PPP1R13L: variants seen among roughly 807,000 people sequenced by gnomAD.
PPP1R13L encodes protein phosphatase 1 regulatory subunit 13 like.
PPP1R13L carries 50 observed loss-of-function variants against 80.9 expected under a neutral mutation model. The ratio of observed to expected loss-of-function variants is 0.62; its 90% CI spans 0.49 to 0.78. PPP1R13L has a LOEUF of 0.78. Among genes scored for constraint, PPP1R13L ranks in the 30% least tolerant of loss-of-function variants. The pLI is 0.00. For missense variants in PPP1R13L, 1,200 were observed against 1,205.9 expected, an observed-to-expected ratio of 1.00 and a Z score of 0.07; for synonymous variants, 602 against 534.3, an observed-to-expected ratio of 1.13 and a Z score of -1.75.
At position 45,396,471 on chromosome 19, in the gene PPP1R13L, G is replaced by C. The variant is rs781349081; in HGVS notation, c.713-35C>G. ...AGTTTCCAGGGAGGATGAGACGGGA[G>C]GGGTGGCGAGCCCCGGATCCTGCCC... On this transcript the variant is annotated intron_variant, in intron 4 of 12. Transcript: ENST00000360957. The surrounding 1 kb of genome is among the most constrained non-coding windows in gnomAD (Gnocchi z 5.3). 1.9e-6 allele frequency: 3 copies of C among 1,612,830 alleles called. No individual in the cohort carries two copies. The East Asian group carries it at 6.7e-5, about 36-fold the overall frequency.
rs1972989181 is a variant in PPP1R13L at position 45,392,176 on chromosome 19, G to A, written c.1519C>T (p.Leu507=). Reference sequence around the variant, plus strand: ...GCCAACACCCGTGCCACCTCCTCCAGCTCGGGCACCGACTGTGCCTCCGGT... The same window carrying A: ...GCCAACACCCGTGCCACCTCCTCCAACTCGGGCACCGACTGTGCCTCCGGT... ...LPPEAQSVPE[L]EEVARVLAEI... is the part of the protein sequence containing the mutation. The change falls in exon 8 of 13, where the codon CTG becomes TTG. Residue 507 remains leucine, a synonymous_variant. Coordinates refer to ENST00000360957, the MANE Select transcript of PPP1R13L (RefSeq NM_006663.4). 1 of 1,608,254 alleles carries A rather than the reference G, an allele frequency of 6.2e-7. No homozygotes were observed. Among genetic ancestry groups the A allele is most frequent in the Non-Finnish European group, 8.5e-7 (1 of 1,176,444 alleles).
chr19:45,401,694 G>T (rs1306056478), intron 1 of PPP1R13L, among the ~76,000 whole-genome samples: 1 of 152,162 alleles, frequency 6.6e-6, no homozygotes, highest in African/African-American at 2.4e-5. Context: ...CCAGAATTCT[G>T]AGTCTTTCTG....
chr19:45,387,047 T>A (rs976261933), intron 8 of PPP1R13L, among the ~76,000 whole-genome samples: 2 of 151,748 alleles, frequency 1.3e-5, no homozygotes, highest in African/African-American at 4.8e-5. Context: ...GGTGGGAGGA[T>A]CACTTGAGCC....
In PPP1R13L at chr19:45,405,028, C is replaced by A. The variant is rs1030845365; in HGVS notation, c.-51G>T. On this transcript the variant is annotated 5_prime_UTR_variant, in exon 1 of 13. Coordinates refer to ENST00000360957, the MANE Select transcript of PPP1R13L (RefSeq NM_006663.4). ...CCGGGCAGATCCTGGCACCTGGGGG[C>A]TTCCTCCAGCTCGGGCTCCGGCTTG... 6.1e-6 allele frequency: 6 copies of A among 986,016 alleles called. No homozygotes were observed. The highest frequency in any genetic ancestry group is 7.2e-6 in the Non-Finnish European group (6 of 830,108). 61.1% of individuals were successfully genotyped at this position (986,016 alleles called of 1,614,324 possible). A position where few individuals can be genotyped will look rare whatever the true frequency, so the allele number is the denominator to read the frequency against.
At chr19:45,404,732 C>A (rs1032413526) in intron 1 of PPP1R13L, among the ~76,000 whole-genome samples, 1 of 152,170 alleles carries the variant, frequency 6.6e-6, no homozygotes, top group Non-Finnish European at 1.5e-5. Context: ...CCTAGAGCCC[C>A]CCAGTTCGAG....
intron 3 of PPP1R13L, among the ~76,000 whole-genome samples, chr19:45,397,366 T>C (rs914167953): frequency 4.1e-5 from 6 of 145,646 alleles, no homozygotes; most frequent in African/African-American, 8.4e-5. Flanking sequence ...CTTTCTTTCT[T>C]TCTCTCTCTT....
At chr19:45,406,323 C>A (rs1973361968), upstream of PPP1R13L, 7 of 1,124,292 alleles carry the variant, frequency 6.2e-6, no homozygotes, top group Non-Finnish European at 7.6e-6. The surrounding 1 kb of genome is among the most constrained non-coding windows in gnomAD (Gnocchi z 4.2). Context: ...ACCAATCGAC[C>A]GTCCTGTCTC....
upstream of PPP1R13L, chr19:45,406,301 C>T (rs953362902): frequency 8.3e-6 from 9 of 1,084,400 alleles, no homozygotes; most frequent in Admixed American, 5.5e-5. This position sits in a 1 kb window ranked among gnomAD's most constrained non-coding sequence, Gnocchi z 4.2. Flanking sequence ...CCTGTCTCTT[C>T]AAGAATTTCA....
intron 8 of PPP1R13L, 61 bp from the exon 9 acceptor site, chr19:45,386,241 G>A: frequency 7.0e-7 from 1 of 1,438,050 alleles, no homozygotes; most frequent in Non-Finnish European, 9.1e-7. Flanking sequence ...CCATGATCTA[G>A]AGTAGGAAAC....
intron 7 of PPP1R13L, chr19:45,392,635 TG>T (rs987790397): frequency 6.1e-6 from 3 of 493,644 alleles, no homozygotes; most frequent in African/African-American, 5.8e-5. Flanking sequence ...AAAGGGAATC[TG>T]GGCCTCAGAG....
intron 1 of PPP1R13L, among the ~76,000 whole-genome samples, chr19:45,404,214 G>A (rs935832536): frequency 6.6e-6 from 1 of 152,148 alleles, no homozygotes; most frequent in Admixed American, 6.5e-5. Context: ...AAACCTCCCA[G>A]AATCCAATAG....
chr19:45,379,987 C>T lies in PPP1R13L; in HGVS notation c.*203G>A. On this transcript the variant is annotated 3_prime_UTR_variant, in exon 13 of 13. Transcript: ENST00000360957. ...GTGATTTCCAGCCCTTCCCAGACCTCCCAAGGCTAAGGCAGATTACTAAAT... is the reference window on the plus strand; with the variant it reads ...GTGATTTCCAGCCCTTCCCAGACCTTCCAAGGCTAAGGCAGATTACTAAAT... 1 of 549,252 alleles carries T rather than the reference C, an allele frequency of 1.8e-6. No individual in the cohort carries two copies. The highest frequency in any genetic ancestry group is 3.2e-5 in the Admixed American group (1 of 31,108). 34.0% of individuals were successfully genotyped at this position (549,252 alleles called of 1,614,324 possible). A position where few individuals can be genotyped will look rare whatever the true frequency, so the allele number is the denominator to read the frequency against.
In PPP1R13L at chr19:45,397,191, G is replaced by A. The variant is rs1029585825; in HGVS notation, c.199-133C>T. The A allele has an allele frequency of 3.6e-5, 24 of 667,970 alleles. No individual in the cohort carries two copies. The African/African-American group carries it at 4.1e-4, about 11-fold the overall frequency. 41.4% of individuals were successfully genotyped at this position (667,970 alleles called of 1,614,324 possible). On this transcript the variant is annotated intron_variant, in intron 3 of 12. Coordinates refer to ENST00000360957, the MANE Select transcript of PPP1R13L (RefSeq NM_006663.4). ...AGGCTGACCGGCCATGGAAATTCAGGCACAGAGAGCCCAGGTGAGTAGTGG... is the reference window on the plus strand; with the variant it reads ...AGGCTGACCGGCCATGGAAATTCAGACACAGAGAGCCCAGGTGAGTAGTGG...
At position 45,395,739 on chromosome 19, in the gene PPP1R13L, G is replaced by A. The variant is rs762704468; in HGVS notation, c.1051C>T (p.Arg351Cys). Residue 351 changes from arginine to cysteine, a missense_variant, in exon 7 of 13, where the codon CGC becomes TGC. Physicochemically the swap from Arg to Cys is radical, Grantham distance 180. Transcript: ENST00000360957. The part of the protein sequence containing the change: ...TLPRSWQPVS[R>C]IPMPPSSPQP... ...GGGCTGGAGGGGGGCATGGGGATGCGGCTGACGGGCTGCCAGCTGCGAGGC... is the reference window on the plus strand; with the variant it reads ...GGGCTGGAGGGGGGCATGGGGATGCAGCTGACGGGCTGCCAGCTGCGAGGC... The A allele has an allele frequency of 3.3e-6, 5 of 1,519,028 alleles. No homozygotes were observed. In the East Asian group the frequency reaches 7.3e-5, roughly 22 times the overall value. The allele number at this position is 1,519,028 out of a possible 1,614,324, so 94.1% of individuals were successfully genotyped here.
intron 8 of PPP1R13L, among the ~76,000 whole-genome samples, chr19:45,389,999 A>G (rs1016979387): frequency 2.0e-5 from 3 of 151,988 alleles, no homozygotes; most frequent in African/African-American, 7.2e-5. Context: ...TCACCGTGTT[A>G]GCCAGGATGG....
intron 11 of PPP1R13L, among the ~76,000 whole-genome samples, chr19:45,383,496 T>C (rs1423974220): frequency 6.7e-6 from 1 of 150,106 alleles, no homozygotes; most frequent in Non-Finnish European, 1.5e-5. Flanking sequence ...GGTTTCACCA[T>C]GTTGGTCAGG....
intron 3 of PPP1R13L, among the ~76,000 whole-genome samples, chr19:45,397,507 T>TTTCTTTCTTTCTTTCC (rs1447188791): frequency 7.1e-6 from 1 of 141,202 alleles, no homozygotes; most frequent in East Asian, 2.1e-4. Flanking sequence ...TCTTTCTTTC[T>TTTCTTTCTTTCTTTCC]TTCTTTCTTT....
At chr19:45,398,206 C>T (rs377573648) in intron 2 of PPP1R13L, 58 bp downstream of exon 2, 122 of 1,612,958 alleles carry the variant, frequency 7.6e-5, no homozygotes, top group Middle Eastern at 1.7e-4. Flanking sequence ...GGCCTCAGCA[C>T]CCCTCGCCCG....
rs775624530 is a variant in PPP1R13L, at chr19:45,399,947, TA to T, written c.-21-1609del. On this transcript the variant is annotated intron_variant, in intron 1 of 12. Coordinates refer to ENST00000360957, the MANE Select transcript of PPP1R13L (RefSeq NM_006663.4). ...TTGGGTGACAGAGCGAGGCTCTATT[TA>T]AAAAAAAAAAAATTAATTGAGGGGC... Among the ~76,000 whole-genome samples, 943 of 144,672 alleles carry T rather than the reference TA, an allele frequency of 6.5e-3. 9 individuals are homozygous for T. Among genetic ancestry groups the T allele is most frequent in the African/African-American group, 0.018 (711 of 39,804 alleles). The allele number at this position is 144,672 out of a possible 152,430, so 94.9% of individuals were successfully genotyped here.
Sources: allele counts gnomAD v4.1 joint callset (sites outside exome capture counted in the v4.1 genomes callset), GRCh38; gene constraint gnomAD v4.1.1; non-coding constraint Gnocchi (gnomAD v3.1); transcripts MANE v1.5; gene names NCBI Gene and HGNC (gene_info 2026-07-23, HGNC 2026-07-21).